SGCB: variants seen among roughly 807,000 people sequenced by gnomAD.
SGCB encodes the protein sarcoglycan beta, also known as beta-sarcoglycan.
A neutral mutation model predicts 27.3 loss-of-function variants in SGCB; 25 were observed. That is an observed-to-expected ratio of 0.92 (90% CI 0.67 to 1.28). The LOEUF (loss-of-function observed/expected upper bound fraction) is 1.28, where lower values mean the gene tolerates loss of function less well. Among genes scored for constraint, SGCB ranks in the 50% most tolerant of loss-of-function variants. The pLI is 0.00. For synonymous variants in SGCB, 147 were observed against 133.5 expected (o/e 1.10, Z -0.70); for missense variants, 436 against 402.1 (o/e 1.08, Z -0.72).
chr4:52,029,072 TC>T, intron 3 of SGCB, 151 bp from the exon 4 acceptor site: 1 of 633,096 alleles, frequency 1.6e-6, no homozygotes, highest in Non-Finnish European at 2.8e-6. Flanking sequence ...CTGTCTGTTC[TC>T]CCTCCATCCA....
chr4:52,034,002 T>C lies in SGCB; in HGVS notation c.34-362A>G, dbSNP rs558099406. On this transcript the variant is annotated intron_variant, in intron 1 of 5. Coordinates refer to ENST00000381431, the MANE Select transcript of SGCB (RefSeq NM_000232.5). ...GTATACAACTGGCCCTCCATATCCATGGGATCCATATCCATGGATTTAACC... is the reference window on the plus strand; with the variant it reads ...GTATACAACTGGCCCTCCATATCCACGGGATCCATATCCATGGATTTAACC... Among the ~76,000 whole-genome samples the C allele has an allele frequency of 6.8e-4, 104 of 152,032 alleles. 1 individual carries two copies. In the Middle Eastern group the frequency reaches 0.014, roughly 20 times the overall value.
chr4:52,025,985 T>A (rs1737079146), intron 5 of SGCB, among the ~76,000 whole-genome samples: 2 of 152,140 alleles, frequency 1.3e-5, no homozygotes, highest in African/African-American at 2.4e-5. Context: ...AAATGGATAA[T>A]GTTAAGCAGG....
intron 5 of SGCB, among the ~76,000 whole-genome samples, chr4:52,026,166 A>AAG (rs1360874420): frequency 6.6e-6 from 1 of 151,938 alleles, no homozygotes; most frequent in Non-Finnish European, 1.5e-5. Flanking sequence ...AGTAATTCTT[A>AAG]AGTGACTAGT....
At chr4:52,029,584 A>T in intron 3 of SGCB, 94 bp downstream of exon 3, 1 of 764,412 alleles carries the variant, frequency 1.3e-6, no homozygotes, top group Non-Finnish European at 2.3e-6. Flanking sequence ...AAGGGAAAAT[A>T]TCTCTTTCCA....
chr4:52,026,250 GTTTTTTTTTTT>G (rs71193050), intron 5 of SGCB, among the ~76,000 whole-genome samples: 2 of 101,668 alleles, frequency 2.0e-5, no homozygotes, highest in African/African-American at 7.2e-5. Context: ...TTTGTTGTTG[GTTTTTTTTTTT>G]TTTTTTTTTT....
Position 52,029,686 on chromosome 4 carries a change from T to C in SGCB, c.421A>G (p.Asn141Asp), listed in dbSNP as rs1198067852. 6.2e-7 allele frequency: 1 copy of C among 1,610,470 alleles called. No homozygotes were observed. Among genetic ancestry groups the C allele is most frequent in the Admixed American group, 1.7e-5 (1 of 60,010 alleles). Residue 141 changes from asparagine to aspartate, a missense_variant, in exon 3 of 6, where the codon AAC becomes GAC. Transcript: ENST00000381431. ...RNENLVITGN[N>D]QPIVFQQGTT... ...TTAATGTGGCAACTTACAGGCTGGTTGTTGCCAGTGATGACCAAATTTTCA... is the reference window on the plus strand; with the variant it reads ...TTAATGTGGCAACTTACAGGCTGGTCGTTGCCAGTGATGACCAAATTTTCA...
At chr4:52,027,496 A>C (rs1737129688) in intron 5 of SGCB, among the ~76,000 whole-genome samples, 1 of 151,652 alleles carries the variant, frequency 6.6e-6, no homozygotes, top group Non-Finnish European at 1.5e-5. Context: ...TTGGATATGA[A>C]ACTCAGGGAG....
Position 52,024,555 on chromosome 4 carries a change from G to A in SGCB, c.754-395C>T, listed in dbSNP as rs546828374. Among the ~76,000 whole-genome samples the A allele has an allele frequency of 1.3e-3, 193 of 152,130 alleles. 2 individuals are homozygous for A. Among genetic ancestry groups the A allele is most frequent in the South Asian group, 8.9e-3 (43 of 4,814 alleles). On this transcript the variant is annotated intron_variant, in intron 5 of 5. Coordinates refer to ENST00000381431, the MANE Select transcript of SGCB (RefSeq NM_000232.5). ...ACAAAAAGACTTTTCCTGGCCAAGC[G>A]CGGTGGCTCATGCCTGTAATCCCAG...
intron 5 of SGCB, among the ~76,000 whole-genome samples, chr4:52,025,705 T>C (rs910492820): frequency 1.2e-4 from 18 of 152,192 alleles, no homozygotes; most frequent in African/African-American, 4.3e-4. Flanking sequence ...AAACAGACTA[T>C]GGGAGTGAAT....
In SGCB at chr4:52,035,181, G is replaced by A. The variant is rs140364852; in HGVS notation, c.34-1541C>T. Among the ~76,000 whole-genome samples the A allele has an allele frequency of 7.9e-3, 1,206 of 152,302 alleles. 11 individuals are homozygous for A. The highest frequency in any genetic ancestry group is 0.024 in the Middle Eastern group (7 of 294). ...TTTCTTAAAGCTCTGAGAAAATTCAGTTGTTGAATACGCATGTATTAAGCA... is the reference window on the plus strand; with the variant it reads ...TTTCTTAAAGCTCTGAGAAAATTCAATTGTTGAATACGCATGTATTAAGCA... On this transcript the variant is annotated intron_variant, in intron 1 of 5. Transcript: ENST00000381431.
intron 1 of SGCB, among the ~76,000 whole-genome samples, chr4:52,035,717 A>C (rs888213574): frequency 3.9e-5 from 6 of 152,106 alleles, no homozygotes; most frequent in African/African-American, 7.2e-5. Context: ...TGGGATGAAA[A>C]AGGAGAGATT....
chr4:52,028,654 G>A, intron 4 of SGCB, 76 bp downstream of exon 4: 3 of 1,165,678 alleles, frequency 2.6e-6, no homozygotes, highest in South Asian at 1.3e-5. Flanking sequence ...AACAACAACA[G>A]TATAACTCTC....
chr4:52,038,113 CA>C, intron 1 of SGCB, 113 bp downstream of exon 1: 1 of 991,946 alleles, frequency 1.0e-6, no homozygotes, highest in Non-Finnish European at 1.2e-6. Flanking sequence ...CCGCCGAACC[CA>C]GACCCTGCGG....
chr4:52,025,225 A>G (rs980822470), intron 5 of SGCB, among the ~76,000 whole-genome samples: 31 of 152,198 alleles, frequency 2.0e-4, no homozygotes, highest in African/African-American at 7.2e-4. Flanking sequence ...AAAAAAAATG[A>G]ACAGTAAAAC....
intron 2 of SGCB, among the ~76,000 whole-genome samples, chr4:52,030,854 G>C (rs1737228116): frequency 1.3e-5 from 2 of 152,082 alleles, no homozygotes; most frequent in African/African-American, 4.8e-5. Flanking sequence ...AAATTTTTTG[G>C]AAAGTGTGCA....
At chr4:52,034,023 T>C (rs1737318900) in intron 1 of SGCB, among the ~76,000 whole-genome samples, 1 of 151,980 alleles carries the variant, frequency 6.6e-6, no homozygotes, top group Admixed American at 6.6e-5. Flanking sequence ...TCCATGGATT[T>C]AACCACTGTG....
chr4:52,026,246 GT>G (rs1737089145), intron 5 of SGCB, among the ~76,000 whole-genome samples: 1 of 107,760 alleles, frequency 9.3e-6, no homozygotes, highest in Non-Finnish European at 2.0e-5. Context: ...GTTTTTTGTT[GT>G]TGGTTTTTTT....
At chr4:52,032,094 G>A (rs1418020843) in intron 2 of SGCB, 2 of 384,182 alleles carry the variant, frequency 5.2e-6, no homozygotes, top group Non-Finnish European at 1.0e-5. Context: ...CTGGTCCAGT[G>A]TGTCCAGAGA....
At chr4:52,031,856 C>T in intron 2 of SGCB, 1 of 454,182 alleles carries the variant, frequency 2.2e-6, no homozygotes, top group Non-Finnish European at 4.4e-6. Flanking sequence ...AATTACATGG[C>T]TTTTTCACCG....
Sources: gnomAD v4.1 joint callset for allele counts (sites outside exome capture counted in the v4.1 genomes callset) on GRCh38, gnomAD v4.1.1 for gene constraint, MANE v1.5 for transcripts, NCBI Gene and HGNC (gene_info 2026-07-23, HGNC 2026-07-21) for gene names.